The following CCDC6 variants were observed in gnomAD, a reference collection of about 807,000 sequenced individuals.
CCDC6 encodes coiled-coil domain-containing protein 6.
In CCDC6, 20 loss-of-function variants were observed where a neutral mutation model predicts 56.6. The observed-to-expected ratio is 0.35, with a 90% CI of 0.25 to 0.51. CCDC6 has a LOEUF of 0.51. Ranked by LOEUF, CCDC6 falls within the 20% of genes least tolerant of loss-of-function variation. CCDC6 has a pLI of 0.95. For synonymous variants in CCDC6, 241 were observed against 234.4 expected (o/e 1.03, Z -0.26); for missense variants, 367 against 601.1 (o/e 0.61, Z 4.07).
intron 1 of CCDC6, among the ~76,000 whole-genome samples, chr10:59,872,423 T>C (rs1041614795): frequency 6.6e-6 from 1 of 152,236 alleles, no homozygotes; most frequent in African/African-American, 2.4e-5. Flanking sequence ...CCTGTGCTGT[T>C]GCAGGTAAGA....
chr10:59,875,687 G>A (rs548074710), intron 1 of CCDC6, among the ~76,000 whole-genome samples: 20 of 152,304 alleles, frequency 1.3e-4, no homozygotes, highest in South Asian at 8.3e-4. Context: ...CTGCGCCGAT[G>A]CTATTCTTCC....
rs1228732045 is a variant in CCDC6 at position 59,790,035 on chromosome 10, G to T, written c.*2882C>A. Reference sequence around the variant, plus strand: ...AAAACTCCTTTCAGTCAACGAAGGAGTAAGTTCAATTAAAGGCTTCCACTA... The same window carrying T: ...AAAACTCCTTTCAGTCAACGAAGGATTAAGTTCAATTAAAGGCTTCCACTA... On this transcript the variant is annotated 3_prime_UTR_variant, in exon 9 of 9. Coordinates refer to ENST00000263102, the MANE Select transcript of CCDC6 (RefSeq NM_005436.5). The T allele has an allele frequency of 4.2e-5, 9 of 216,100 alleles. No homozygotes were observed. In the Admixed American group the frequency reaches 5.2e-4, roughly 13 times the overall value. 13.4% of individuals were successfully genotyped at this position (216,100 alleles called of 1,614,324 possible).
chr10:59,882,614 C>CGGGAGAAGGAAAGCCG (rs546117600), intron 1 of CCDC6, among the ~76,000 whole-genome samples: 22 of 28,494 alleles, frequency 7.7e-4, no homozygotes, highest in Middle Eastern at 0.019. Flanking sequence ...GGAAAGCCGG[C>CGGGAGAAGGAAAGCCG]GGGAGAAGGA....
intron 1 of CCDC6, among the ~76,000 whole-genome samples, chr10:59,864,046 C>T (rs1429209606): frequency 6.6e-6 from 1 of 152,108 alleles, no homozygotes; most frequent in Non-Finnish European, 1.5e-5. Context: ...TTTTCTATTG[C>T]AACAACATAA....
At chr10:59,865,539 G>T (rs1489442777) in intron 1 of CCDC6, among the ~76,000 whole-genome samples, 1 of 152,184 alleles carries the variant, frequency 6.6e-6, no homozygotes, top group East Asian at 1.9e-4. Context: ...GAGGTTGAAT[G>T]ATTGTAAATT....
Position 59,789,825 on chromosome 10 carries a change from A to G in CCDC6, c.*3092T>C, listed in dbSNP as rs1414491744. ...GGAAAAGTTCATGTCTACCTAACAA[A>G]GGGTGATACATGTTCTATTTTCCTA... On this transcript the variant is annotated 3_prime_UTR_variant, in exon 9 of 9. Coordinates refer to ENST00000263102, the MANE Select transcript of CCDC6 (RefSeq NM_005436.5). 4.6e-6 allele frequency: 1 copy of G among 218,862 alleles called. No homozygotes were observed. The highest frequency in any genetic ancestry group is 9.2e-6 in the Non-Finnish European group (1 of 108,812). The allele number at this position is 218,862 out of a possible 1,614,324, so 13.6% of individuals were successfully genotyped here.
intron 3 of CCDC6, among the ~76,000 whole-genome samples, chr10:59,814,959 T>C (rs963263345): frequency 2.0e-5 from 3 of 152,172 alleles, no homozygotes; most frequent in Non-Finnish European, 2.9e-5. Flanking sequence ...TAATGCTTAA[T>C]TGTTGTCTGG....
chr10:59,830,269 T>C (rs1385342882), intron 3 of CCDC6, among the ~76,000 whole-genome samples: 4 of 152,208 alleles, frequency 2.6e-5, no homozygotes, highest in Admixed American at 6.5e-5. Context: ...ATATCCTTTA[T>C]AATATAATAT....
At chr10:59,824,561 T>C (rs2070771870) in intron 3 of CCDC6, among the ~76,000 whole-genome samples, 1 of 152,204 alleles carries the variant, frequency 6.6e-6, no homozygotes, top group Non-Finnish European at 1.5e-5. Context: ...CAGGGTTTAC[T>C]ATGATTATGT....
intron 1 of CCDC6, among the ~76,000 whole-genome samples, chr10:59,883,038 G>T (rs2071357290): frequency 6.6e-6 from 1 of 151,984 alleles, no homozygotes. Flanking sequence ...AAAAAAAAAG[G>T]TTTAATTCAG....
Position 59,797,588 on chromosome 10 carries a change from CAAAAAAAAAAAA to C in CCDC6, c.1106-3003_1106-2992del, listed in dbSNP as rs10561094. The stretch of plus-strand genomic sequence containing the variant: ...GTAGCCAATGAACTGAACCTCCTAG[CAAAAAAAAAAAA>C]AAAAAAAAAAAAAAAAAATCAACAA... On this transcript the variant is annotated intron_variant, in intron 7 of 8. Coordinates refer to ENST00000263102, the MANE Select transcript of CCDC6 (RefSeq NM_005436.5). 3.0e-3 allele frequency among the ~76,000 whole-genome samples: 95 copies of C among 31,610 alleles called. 1 individual carries two copies. In the East Asian group the frequency reaches 0.038, roughly 13 times the overall value. 20.7% of individuals were successfully genotyped at this position (31,610 alleles called of 152,430 possible).
chr10:59,868,834 T>A (rs1211008338), intron 1 of CCDC6, among the ~76,000 whole-genome samples: 1 of 152,144 alleles, frequency 6.6e-6, no homozygotes, highest in Non-Finnish European at 1.5e-5. Flanking sequence ...AATGCCACAT[T>A]GGGGGAATTA....
intron 1 of CCDC6, among the ~76,000 whole-genome samples, chr10:59,873,071 G>A (rs1369962288): frequency 6.6e-6 from 1 of 152,154 alleles, no homozygotes; most frequent in Non-Finnish European, 1.5e-5. Context: ...ATGTTTTGCT[G>A]AGGTGGTTTG....
chr10:59,885,623 C>A (rs1266554403), intron 1 of CCDC6, among the ~76,000 whole-genome samples: 1 of 152,184 alleles, frequency 6.6e-6, no homozygotes, highest in Non-Finnish European at 1.5e-5. Flanking sequence ...GACCACAACT[C>A]GTCTTTCAGT....
intron 1 of CCDC6, among the ~76,000 whole-genome samples, chr10:59,895,999 GTA>G (rs1194441683): frequency 1.3e-5 from 2 of 152,156 alleles, no homozygotes; most frequent in African/African-American, 4.8e-5. Context: ...TACTCCATGT[GTA>G]TTGTCACACG....
At chr10:59,857,305 A>G (rs1196913228) in intron 1 of CCDC6, among the ~76,000 whole-genome samples, 1 of 152,248 alleles carries the variant, frequency 6.6e-6, no homozygotes, top group Non-Finnish European at 1.5e-5. Flanking sequence ...TTAAATTAGC[A>G]TAATTTTCTG....
At chr10:59,859,144 C>A (rs1393972747) in intron 1 of CCDC6, among the ~76,000 whole-genome samples, 2 of 151,002 alleles carry the variant, frequency 1.3e-5, no homozygotes, top group Non-Finnish European at 2.9e-5. Context: ...AACATGAACA[C>A]AAGGATTAAT....
chr10:59,807,855 TTGGCATTCCCGC>T (rs2070639452), intron 5 of CCDC6, among the ~76,000 whole-genome samples: 1 of 152,322 alleles, frequency 6.6e-6, no homozygotes, highest in Admixed American at 6.5e-5. Flanking sequence ...GTGACACTTG[TTGGCATTCCCGC>T]TGTGCACAGT....
intron 7 of CCDC6, among the ~76,000 whole-genome samples, chr10:59,803,932 G>A (rs962581856): frequency 2.6e-5 from 4 of 152,180 alleles, no homozygotes; most frequent in Admixed American, 2.6e-4. Flanking sequence ...CCACTTCCTG[G>A]CTGTGTAACC....
Sources: allele counts gnomAD v4.1 joint callset (sites outside exome capture counted in the v4.1 genomes callset), GRCh38; gene constraint gnomAD v4.1.1; transcripts MANE v1.5; gene names NCBI Gene and HGNC (gene_info 2026-07-23, HGNC 2026-07-21).